Variants in GSG1L observed in about 807,000 individuals in gnomAD.
The protein encoded by GSG1L is germ cell-specific gene 1-like protein.
In GSG1L, 24 loss-of-function variants were observed where a neutral mutation model predicts 42.1. The ratio of observed to expected loss-of-function variants is 0.57; its 90% CI spans 0.41 to 0.80. The LOEUF (loss-of-function observed/expected upper bound fraction) is 0.80, where lower values mean the gene tolerates loss of function less well. Among genes scored for constraint, GSG1L ranks in the 30% least tolerant of loss-of-function variants. The pLI is 0.00. For synonymous variants in GSG1L, 215 were observed against 203.5 expected, an observed-to-expected ratio of 1.06 and a Z score of -0.48; for missense variants, 445 against 472.2, an observed-to-expected ratio of 0.94 and a Z score of 0.53.
intron 2 of GSG1L, among the ~76,000 whole-genome samples, chr16:27,908,552 A>G (rs2084346842): frequency 6.6e-6 from 1 of 152,160 alleles, no homozygotes; most frequent in African/African-American, 2.4e-5. Context: ...AAAAACAGAA[A>G]TTTACTTCTC....
chr16:27,814,427 C>T (rs1258235917), intron 5 of GSG1L, among the ~76,000 whole-genome samples: 1 of 152,202 alleles, frequency 6.6e-6, no homozygotes, highest in Non-Finnish European at 1.5e-5. Context: ...AATACATTTT[C>T]AACTCAGAGA....
At chr16:28,038,129 A>G (rs1389828172) in intron 1 of GSG1L, among the ~76,000 whole-genome samples, 1 of 152,128 alleles carries the variant, frequency 6.6e-6, no homozygotes. Context: ...CACTGCTGAT[A>G]AATTTTGTTT....
chr16:27,888,502 T>TC (rs2084075063), intron 2 of GSG1L, among the ~76,000 whole-genome samples: 1 of 7,950 alleles, frequency 1.3e-4, no homozygotes, highest in East Asian at 3.8e-3. Flanking sequence ...TTTCTTTCTT[T>TC]CTTTCTTTCT....
intron 1 of GSG1L, among the ~76,000 whole-genome samples, chr16:27,978,216 G>A (rs565218196): frequency 6.6e-6 from 1 of 152,284 alleles, no homozygotes; most frequent in South Asian, 2.1e-4. Flanking sequence ...CACCACTCAG[G>A]CCTGATTCCA....
chr16:27,797,039 C>T (rs934436376), intron 6 of GSG1L, among the ~76,000 whole-genome samples: 1 of 152,142 alleles, frequency 6.6e-6, no homozygotes, highest in Non-Finnish European at 1.5e-5. Context: ...TCCATGGACT[C>T]ATTTAATCCT....
intron 1 of GSG1L, among the ~76,000 whole-genome samples, chr16:27,989,810 G>A (rs753917190): frequency 5.9e-5 from 9 of 151,940 alleles, no homozygotes; most frequent in Admixed American, 1.3e-4. Context: ...CTTTCTTTGA[G>A]TTGTATTTGT....
At chr16:27,815,836 G>A (rs1171126455) in intron 5 of GSG1L, among the ~76,000 whole-genome samples, 1 of 152,188 alleles carries the variant, frequency 6.6e-6, no homozygotes, top group Non-Finnish European at 1.5e-5. Flanking sequence ...TTATCCAGGT[G>A]CTAAGGCTCA....
At chr16:27,817,701 A>C (rs1156658439) in intron 5 of GSG1L, among the ~76,000 whole-genome samples, 2 of 152,212 alleles carry the variant, frequency 1.3e-5, no homozygotes, top group Admixed American at 6.5e-5. Flanking sequence ...TTTTTCATAA[A>C]AAATGAAAAT....
At chr16:28,044,623 C>CTT (rs71140942) in intron 1 of GSG1L, among the ~76,000 whole-genome samples, 27,995 of 130,408 alleles carry the variant, frequency 0.21, 3,631 homozygotes, top group Non-Finnish European at 0.29. Context: ...GCAACGAATG[C>CTT]TTTTTTTTTT....
chr16:27,996,065 C>A (rs931689352), intron 1 of GSG1L, among the ~76,000 whole-genome samples: 3 of 151,996 alleles, frequency 2.0e-5, no homozygotes, highest in African/African-American at 7.2e-5. Flanking sequence ...ACAAGAAAAT[C>A]AACTTACTCT....
intron 3 of GSG1L, among the ~76,000 whole-genome samples, chr16:27,883,336 C>T (rs2083984614): frequency 6.6e-6 from 1 of 151,696 alleles, no homozygotes; most frequent in South Asian, 2.1e-4. Context: ...GGATGGGGTA[C>T]ATGGGGATGG....
chr16:27,966,358 A>G (rs957591732), intron 1 of GSG1L, among the ~76,000 whole-genome samples: 6 of 152,174 alleles, frequency 3.9e-5, no homozygotes, highest in African/African-American at 1.4e-4. Context: ...TTTAAAAATT[A>G]GCCAGCTGTG....
intron 1 of GSG1L, among the ~76,000 whole-genome samples, chr16:28,051,910 G>A (rs558706024): frequency 6.6e-6 from 1 of 152,280 alleles, no homozygotes; most frequent in East Asian, 1.9e-4. Flanking sequence ...CACGGTGGGG[G>A]ATAAACAGAA....
chr16:28,052,552 G>A (rs975527703), intron 1 of GSG1L, among the ~76,000 whole-genome samples: 1 of 152,140 alleles, frequency 6.6e-6, no homozygotes, highest in Non-Finnish European at 1.5e-5. Flanking sequence ...CCACTTCTAG[G>A]CAAGGACTCA....
intron 6 of GSG1L, among the ~76,000 whole-genome samples, 172 bp downstream of exon 6, chr16:27,807,315 G>A (rs2082977028): frequency 6.6e-6 from 1 of 152,158 alleles, no homozygotes; most frequent in African/African-American, 2.4e-5. Context: ...GCTGCGTGCA[G>A]GGGCTTGCTA....
intron 5 of GSG1L, among the ~76,000 whole-genome samples, chr16:27,823,619 G>A (rs909545793): frequency 8.5e-5 from 13 of 152,248 alleles, no homozygotes; most frequent in Middle Eastern, 3.4e-3. Context: ...ACGTGGGGGC[G>A]TGAGGGAGCC....
intron 5 of GSG1L, among the ~76,000 whole-genome samples, chr16:27,812,206 G>C (rs1247975288): frequency 6.6e-6 from 1 of 152,022 alleles, no homozygotes; most frequent in Non-Finnish European, 1.5e-5. Flanking sequence ...CCTTGTGCTG[G>C]GCTTGGGGAC....
intron 5 of GSG1L, among the ~76,000 whole-genome samples, chr16:27,810,715 T>C (rs2140947046): frequency 6.6e-6 from 1 of 151,328 alleles, no homozygotes; most frequent in South Asian, 2.1e-4. Context: ...TTAGATGGAG[T>C]CTCACTCTGT....
intron 1 of GSG1L, among the ~76,000 whole-genome samples, chr16:28,026,179 G>A (rs2085898340): frequency 6.6e-6 from 1 of 152,192 alleles, no homozygotes. Flanking sequence ...CCACAGACTG[G>A]GGGCACCTTG....
Sources: gnomAD v4.1 joint callset for allele counts (sites outside exome capture counted in the v4.1 genomes callset) on GRCh38, gnomAD v4.1.1 for gene constraint, MANE v1.5 for transcripts, NCBI Gene and HGNC (gene_info 2026-07-23, HGNC 2026-07-21) for gene names.